Variants in PLK5 observed in about 807,000 individuals in gnomAD.
PLK5 encodes inactive serine/threonine-protein kinase PLK5.
PLK5 carries 28 observed loss-of-function variants against 33.7 expected under a neutral mutation model. The ratio of observed to expected loss-of-function variants is 0.83; its 90% CI spans 0.62 to 1.14. The LOEUF (loss-of-function observed/expected upper bound fraction) is 1.14, where lower values mean the gene tolerates loss of function less well. Ranked by LOEUF, PLK5 falls within the 50% of genes most tolerant of loss-of-function variation. PLK5 has a pLI of 0.00. For missense variants in PLK5, 492 were observed against 461.5 expected, an observed-to-expected ratio of 1.07 and a Z score of -0.61; for synonymous variants, 225 against 202.2, an observed-to-expected ratio of 1.11 and a Z score of -0.96.
intron 12 of PLK5, among the ~76,000 whole-genome samples, chr19:1,532,190 G>A (rs1913950677): frequency 6.6e-6 from 1 of 152,130 alleles, no homozygotes; most frequent in South Asian, 2.1e-4. Flanking sequence ...AGGATTCCTT[G>A]AGCCCAGGAG....
intron 11 of PLK5, among the ~76,000 whole-genome samples, chr19:1,530,791 T>C (rs1239906024): frequency 6.6e-6 from 1 of 151,612 alleles, no homozygotes; most frequent in Non-Finnish European, 1.5e-5. Context: ...GGCTAATTTT[T>C]GTATTTATAG....
Position 1,529,390 on chromosome 19 carries a change from G to C in PLK5, c.406-16G>C. 6.5e-7 allele frequency: 1 copy of C among 1,534,254 alleles called. No individual in the cohort carries two copies. Among genetic ancestry groups the C allele is most frequent in the Non-Finnish European group, 8.7e-7 (1 of 1,145,794 alleles). On this transcript the variant is annotated splice_polypyrimidine_tract_variant and intron_variant, in intron 9 of 13. Transcript: ENST00000454744. ...TGGGGCCGGGGCCACCCCCACCCCT[G>C]CTGCTCCCACCTCAGAGCTCCCTGT...
rs1466171471 is a variant in PLK5, at chr19:1,533,940, C to G, written c.724C>G (p.Leu242Val). The G allele has an allele frequency of 6.5e-7, 1 of 1,533,976 alleles. No homozygotes were observed. Among genetic ancestry groups the G allele is most frequent in the African/African-American group, 1.4e-5 (1 of 73,084 alleles). The change falls in exon 13 of 14, where the codon CTC becomes GTC. Residue 242 changes from leucine (L) to valine (V), a missense_variant. By Grantham distance (32) the Leu-to-Val change is conservative. Transcript: ENST00000454744. ...CCGAGTCTGTCCACAGGAGGGGACC[C>G]TCCCCACACCTGTGCCACCTGCTGG... Reference protein sequence around the residue: ...GPATPRREGTLPTPVPPAGPG... With the variant: ...GPATPRREGTVPTPVPPAGPG...
At chr19:1,532,710 C>A (rs370405098) in intron 12 of PLK5, among the ~76,000 whole-genome samples, 63 of 151,938 alleles carry the variant, frequency 4.1e-4, no homozygotes, top group Middle Eastern at 6.8e-3. Context: ...TTATTAGAGA[C>A]GGGGTTTCTC....
chr19:1,528,055 T>A lies in PLK5; in HGVS notation c.122T>A (p.Leu41His), dbSNP rs1223672646. The change falls in exon 7 of 14, where the codon CTC becomes CAC. Residue 41 changes from leucine to histidine, a missense_variant. Coordinates refer to ENST00000454744, the MANE Select transcript of PLK5 (RefSeq NM_001243079.2). ...PAHLSANARR[L>H]IVHLLAPNPA... Reference sequence around the variant, plus strand: ...CACCTGTCTGCCAATGCGCGCCGCCTCATCGTGCACCTCCTAGCACCCAAC... The same window carrying A: ...CACCTGTCTGCCAATGCGCGCCGCCACATCGTGCACCTCCTAGCACCCAAC... 23 of 1,535,908 alleles carry A rather than the reference T, an allele frequency of 1.5e-5. No homozygotes were observed. Among genetic ancestry groups the A allele is most frequent in the Non-Finnish European group, 1.9e-5 (22 of 1,146,860 alleles).
At chr19:1,528,172 G>A in intron 7 of PLK5, 38 bp downstream of exon 7, 1 of 1,531,038 alleles carries the variant, frequency 6.5e-7, no homozygotes, top group Non-Finnish European at 8.7e-7. Flanking sequence ...CCTGGCGTGG[G>A]GTCCCTGGCA....
Position 1,524,220 on chromosome 19 carries a change from T to A in PLK5, c.-570T>A, listed in dbSNP as rs1913667518. 1 of 150,488 alleles carries A rather than the reference T, an allele frequency of 6.6e-6. No individual in the cohort carries two copies. Among genetic ancestry groups the A allele is most frequent in the Non-Finnish European group, 1.5e-5 (1 of 67,410 alleles). 9.3% of individuals were successfully genotyped at this position (150,488 alleles called of 1,614,324 possible). On this transcript the variant is annotated 5_prime_UTR_variant, in exon 1 of 14. Transcript: ENST00000454744. The surrounding 1 kb of genome is among the most constrained non-coding windows in gnomAD (Gnocchi z 4.5). ...GCGAGACCCGGGCTCGGGCCGCGTG[T>A]ACAGGCGCGGGAAGCTGATCGGCAA...
intron 3 of PLK5, among the ~76,000 whole-genome samples, 182 bp from the exon 4 acceptor site, chr19:1,526,304 C>T (rs1464686636): frequency 8.1e-6 from 1 of 123,128 alleles, no homozygotes; most frequent in Non-Finnish European, 1.6e-5. Flanking sequence ...GGGAAAGGTT[C>T]GTGCCCCCCC....
In PLK5 at chr19:1,531,896, C is replaced by T. The variant is rs1023429310; in HGVS notation, c.714+13C>T. 1 of 1,450,778 alleles carries T rather than the reference C, an allele frequency of 6.9e-7. No homozygotes were observed. Among genetic ancestry groups the T allele is most frequent in the African/African-American group, 1.4e-5 (1 of 69,344 alleles). 89.9% of individuals were successfully genotyped at this position (1,450,778 alleles called of 1,614,324 possible). A position where few individuals can be genotyped will look rare whatever the true frequency, so the allele number is the denominator to read the frequency against. On this transcript the variant is annotated intron_variant, in intron 12 of 13. Coordinates refer to ENST00000454744, the MANE Select transcript of PLK5 (RefSeq NM_001243079.2). Reference sequence around the variant, plus strand: ...GACCCCCCGGAGGGTAAGTTGTGGCCTCCTGTGCCCTGGGGGACCAGGCAC... The same window carrying T: ...GACCCCCCGGAGGGTAAGTTGTGGCTTCCTGTGCCCTGGGGGACCAGGCAC...
In PLK5 at chr19:1,528,288, A is replaced by G; in HGVS notation, c.202-14A>G. ...TGACCTAAGCCGGGGATAACCCCAA[A>G]TCCCCATCCAAAGGGTTTCACTCCA... On this transcript the variant is annotated splice_polypyrimidine_tract_variant and intron_variant, in intron 7 of 13. Transcript: ENST00000454744. 1 of 1,535,828 alleles carries G rather than the reference A, an allele frequency of 6.5e-7. No homozygotes were observed.
chr19:1,530,233 C>G (rs1393856428), intron 11 of PLK5, among the ~76,000 whole-genome samples: 1 of 152,128 alleles, frequency 6.6e-6, no homozygotes, highest in East Asian at 1.9e-4. Flanking sequence ...CATACTGCCA[C>G]CCTTAGAGAG....
chr19:1,530,106 C>T (rs1913883863), intron 11 of PLK5, among the ~76,000 whole-genome samples: 1 of 151,976 alleles, frequency 6.6e-6, no homozygotes, highest in Non-Finnish European at 1.5e-5. Flanking sequence ...GGACGTTGGA[C>T]ACAGAGCCCT....
chr19:1,535,483 G>T lies in PLK5; in HGVS notation c.*233G>T. ...GGCCATGGTCTGCCTCTCTTTGGGG[G>T]AAAGCGTTTGAGGAGCTTTGGCAAA... is the stretch of plus-strand genomic sequence containing the variant. On this transcript the variant is annotated 3_prime_UTR_variant, in exon 14 of 14. Coordinates refer to ENST00000454744, the MANE Select transcript of PLK5 (RefSeq NM_001243079.2). 1.9e-6 allele frequency: 1 copy of T among 528,572 alleles called. No individual in the cohort carries two copies. Among genetic ancestry groups the T allele is most frequent in the Non-Finnish European group, 3.2e-6 (1 of 308,710 alleles). 32.7% of individuals were successfully genotyped at this position (528,572 alleles called of 1,614,324 possible).
Position 1,528,294 on chromosome 19 carries a change from A to C in PLK5, c.202-8A>C. ...AAGCCGGGGATAACCCCAAATCCCCATCCAAAGGGTTTCACTCCAGACCGG... is the reference window on the plus strand; with the variant it reads ...AAGCCGGGGATAACCCCAAATCCCCCTCCAAAGGGTTTCACTCCAGACCGG... On this transcript the variant is annotated splice_polypyrimidine_tract_variant and splice_region_variant and intron_variant, in intron 7 of 13. Coordinates refer to ENST00000454744, the MANE Select transcript of PLK5 (RefSeq NM_001243079.2). The C allele has an allele frequency of 6.5e-7, 1 of 1,535,808 alleles. No individual in the cohort carries two copies. The highest frequency in any genetic ancestry group is 8.7e-7 in the Non-Finnish European group (1 of 1,146,760).
chr19:1,526,564 GGCCTGCGCTACCTGCACC>G lies in PLK5; in HGVS notation c.-233_-216del, dbSNP rs1913746710. 3.4e-6 allele frequency: 1 copy of G among 290,388 alleles called. No individual in the cohort carries two copies. The highest frequency in any genetic ancestry group is 2.8e-5 in the South Asian group (1 of 35,618). The allele number at this position is 290,388 out of a possible 1,614,324, so 18.0% of individuals were successfully genotyped here. ...CGACTACCTGCGGGGCCTGGTCAGC[GGCCTGCGCTACCTGCACC>G]AGCGGTGCATCCTGCACCGCGACCT... On this transcript the variant is annotated 5_prime_UTR_variant, in exon 4 of 14. Coordinates refer to ENST00000454744, the MANE Select transcript of PLK5 (RefSeq NM_001243079.2).
chr19:1,526,649 C>T (rs916751318), intron 4 of PLK5, 34 bp downstream of exon 4: 48 of 360,638 alleles, frequency 1.3e-4, no homozygotes, highest in African/African-American at 8.4e-4. Context: ...TGGGCGGGGG[C>T]GTCGGGAGGT....
At chr19:1,532,360 A>G (rs1236416789) in intron 12 of PLK5, among the ~76,000 whole-genome samples, 1 of 151,994 alleles carries the variant, frequency 6.6e-6, no homozygotes, top group East Asian at 1.9e-4. Context: ...GCCTCATAGC[A>G]AGACCCCATC....
At chr19:1,529,263 G>A (rs1344975820) in intron 9 of PLK5, 143 bp from the exon 10 acceptor site, 10 of 739,008 alleles carry the variant, frequency 1.4e-5, no homozygotes, top group African/African-American at 3.5e-5. Flanking sequence ...GAGACACTCC[G>A]AGGCTGCCTC....
chr19:1,524,483 C>G lies in PLK5; in HGVS notation c.-544+237C>G, dbSNP rs978841919. ...GCGTGTCCGGGGTGTGGGCGTGCGG[C>G]TCGGCCTCGGGATGCGACGCTGTGT... On this transcript the variant is annotated intron_variant, in intron 1 of 13. Coordinates refer to ENST00000454744, the MANE Select transcript of PLK5 (RefSeq NM_001243079.2). This position sits in a 1 kb window ranked among gnomAD's most constrained non-coding sequence, Gnocchi z 4.5. Among the ~76,000 whole-genome samples the G allele has an allele frequency of 1.4e-4, 21 of 152,078 alleles. No individual in the cohort carries two copies. The highest frequency in any genetic ancestry group is 2.8e-4 in the Non-Finnish European group (19 of 67,996).
Sources: allele counts gnomAD v4.1 joint callset (sites outside exome capture counted in the v4.1 genomes callset), GRCh38; gene constraint gnomAD v4.1.1; non-coding constraint Gnocchi (gnomAD v3.1); transcripts MANE v1.5; gene names NCBI Gene and HGNC (gene_info 2026-07-23, HGNC 2026-07-21).